Variants in MYH7B observed in about 807,000 individuals in gnomAD.
MYH7B encodes the protein myosin heavy chain 7B.
In MYH7B, 205 loss-of-function variants were observed where a neutral mutation model predicts 234.5. The ratio of observed to expected loss-of-function variants is 0.87; its 90% confidence interval spans 0.78 to 0.98. The LOEUF (loss-of-function observed/expected upper bound fraction) is 0.98. MYH7B is among the 50% of genes least tolerant of loss of function. The pLI is 0.00. For synonymous variants in MYH7B, 1,193 were observed against 1,105.0 expected, an observed-to-expected ratio of 1.08 and a Z score of -1.58; for missense variants, 2,652 against 2,633.4, an observed-to-expected ratio of 1.01 and a Z score of -0.15.
intron 43 of MYH7B, among the ~76,000 whole-genome samples, 180 bp from the exon 44 acceptor site, chr20:35,001,768 A>C (rs2082390985): frequency 6.6e-6 from 1 of 152,178 alleles, no homozygotes; most frequent in African/African-American, 2.4e-5. Context: ...ACAAAAAGGC[A>C]CATGAAGTTG....
exon 27 of MYH7B, chr20:34,994,191 C>T (rs1371613397): frequency 4.3e-6 from 7 of 1,613,294 alleles, no homozygotes; most frequent in Middle Eastern, 1.6e-4. Context: ...CCTTCAATGC[C>T]GTCAAGAACT....
intron 10 of MYH7B, among the ~76,000 whole-genome samples, 180 bp downstream of exon 10, chr20:34,982,735 T>C (rs556434104): frequency 1.3e-5 from 2 of 152,168 alleles, no homozygotes; most frequent in Non-Finnish European, 2.9e-5. Flanking sequence ...CCACAAAGGC[T>C]GTGGCCACCT....
chr20:34,977,849 A>G, intron 4 of MYH7B, 85 bp from the exon 5 acceptor site: 1 of 1,566,298 alleles, frequency 6.4e-7, no homozygotes. Context: ...CTGCATTGGG[A>G]GCCAGAGGGA....
rs1489801217 is a variant in MYH7B at position 34,987,925 on chromosome 20, G to A, written c.1416+11G>A. 1 of 1,581,728 alleles carries A rather than the reference G, an allele frequency of 6.3e-7. No homozygotes were observed. The highest frequency in any genetic ancestry group is 1.8e-4 in the Middle Eastern group (1 of 5,648). The stretch of plus-strand genomic sequence containing the variant: ...TTTGAGATCTTTGAGGTGAGGACAG[G>A]CCCTCACCTTGGCCTCTGTTCTCTC... On this transcript the variant is annotated intron_variant, in intron 18 of 44. Coordinates refer to ENST00000262873, the Ensembl canonical transcript of MYH7B.
In MYH7B at chr20:34,997,513, C is replaced by T. The variant is rs749465531; in HGVS notation, c.3620C>T (p.Ala1207Val). Residue 1207 changes from alanine (A) to valine (V), a missense_variant, in exon 32 of 45, where the codon GCG becomes GTG. Ala to Val is a moderately conservative substitution (Grantham distance 64). Coordinates refer to ENST00000262873, the Ensembl canonical transcript of MYH7B. ...CTGCGGCGCAAGCAGGCGGAGGGCGCGGCGGAGCTGGGGGAGCAGGTGGAC... is the reference window on the plus strand; with the variant it reads ...CTGCGGCGCAAGCAGGCGGAGGGCGTGGCGGAGCTGGGGGAGCAGGTGGAC... The T allele has an allele frequency of 4.1e-5, 65 of 1,594,544 alleles. 1 individual carries two copies. The Admixed American group carries it at 6.4e-4, about 16-fold the overall frequency.
At chr20:34,992,993 G>C (rs1162440538) in intron 24 of MYH7B, 109 bp from the exon 25 acceptor site, 1 of 1,382,428 alleles carries the variant, frequency 7.2e-7, no homozygotes, top group East Asian at 2.3e-5. Flanking sequence ...GCCCAGGAAC[G>C]AGTCCCCTGC....
chr20:34,957,871 G>A (rs181026903), intron 1 of MYH7B, among the ~76,000 whole-genome samples: 14 of 152,320 alleles, frequency 9.2e-5, no homozygotes, highest in Middle Eastern at 3.4e-3. Context: ...GTGTGGTCAC[G>A]GGATGGGGGG....
chr20:34,989,730 C>A lies in MYH7B; in HGVS notation c.1588-10C>A. ...TTGATGGTGGCTTTTCAAGCTCGTT[C>A]TGTTCCCAGCCACTGGGCATCCTGT... On this transcript the variant is annotated splice_polypyrimidine_tract_variant and intron_variant, in intron 19 of 44. Coordinates refer to ENST00000262873, the Ensembl canonical transcript of MYH7B. The A allele has an allele frequency of 3.1e-6, 5 of 1,612,536 alleles. No individual in the cohort carries two copies. Among genetic ancestry groups the A allele is most frequent in the Non-Finnish European group, 4.2e-6 (5 of 1,179,250 alleles).
At chr20:34,990,448 A>G (rs3746444) in intron 22 of MYH7B, 138 bp downstream of exon 22, 192,377 of 992,462 alleles carry the variant, frequency 0.19, 19,861 homozygotes, top group Middle Eastern at 0.34. Context: ...CCACGTGAAC[A>G]TCACAGCAAG....
At chr20:34,990,534 G>C (rs1464058611) in intron 22 of MYH7B, 1 of 822,316 alleles carries the variant, frequency 1.2e-6, no homozygotes, top group Non-Finnish European at 2.2e-6. Flanking sequence ...GGCTCTGGGA[G>C]GGACGGGGAT....
At chr20:34,959,681 G>A (rs1417142560) in intron 2 of MYH7B, among the ~76,000 whole-genome samples, 1 of 152,046 alleles carries the variant, frequency 6.6e-6, no homozygotes, top group African/African-American at 2.4e-5. Flanking sequence ...GTTTCACCTT[G>A]CTGTCCAGGC....
At chr20:34,995,707 C>G in intron 28 of MYH7B, 129 bp downstream of exon 28, 2 of 1,399,174 alleles carry the variant, frequency 1.4e-6, no homozygotes, top group South Asian at 1.4e-5. Context: ...ACTGCCTTTC[C>G]TGGGCCTCAG....
At chr20:34,989,711 G>A in intron 19 of MYH7B, 29 bp from the exon 20 acceptor site, 1 of 1,604,672 alleles carries the variant, frequency 6.2e-7, no homozygotes, top group South Asian at 1.1e-5. Flanking sequence ...TGGCTTGATG[G>A]TGGCTTTTCA....
At position 34,993,327 on chromosome 20, in the gene MYH7B, C is replaced by T. The variant is rs762024616; in HGVS notation, c.2308-7C>T. 6.2e-6 allele frequency: 10 copies of T among 1,614,092 alleles called. No individual in the cohort carries two copies. Among genetic ancestry groups the T allele is most frequent in the Non-Finnish European group, 8.5e-6 (10 of 1,180,018 alleles). On this transcript the variant is annotated splice_polypyrimidine_tract_variant and splice_region_variant and intron_variant, in intron 25 of 44. Coordinates refer to ENST00000262873, the Ensembl canonical transcript of MYH7B. ...GTTACCCTGGCTGTCTACCTCTCCG[C>T]CCCCAGGTGTTCTTCAAGGCTGGGC...
At chr20:34,979,402 T>C in exon 6 of MYH7B, 1 of 1,613,034 alleles carries the variant, frequency 6.2e-7, no homozygotes, top group African/African-American at 1.3e-5. Flanking sequence ...AAGAAGCGAG[T>C]CTGGGTGCCT....
intron 2 of MYH7B, among the ~76,000 whole-genome samples, chr20:34,965,816 G>A (rs2081736652): frequency 6.6e-6 from 1 of 152,216 alleles, no homozygotes; most frequent in African/African-American, 2.4e-5. Context: ...CCCTGAGACA[G>A]AAAGGAGCTG....
chr20:34,988,259 G>T, exon 19 of MYH7B: 1 of 1,611,498 alleles, frequency 6.2e-7, no homozygotes, highest in South Asian at 1.1e-5. Flanking sequence ...ACCTCATCGA[G>T]AAGGTGGGTG....
intron 1 of MYH7B, among the ~76,000 whole-genome samples, chr20:34,956,684 G>C (rs2081638729): frequency 6.6e-6 from 1 of 152,210 alleles, no homozygotes; most frequent in South Asian, 2.1e-4. Flanking sequence ...TGGATAGGAA[G>C]GTATAGGTAG....
At chr20:34,975,947 A>G (rs996466913) in intron 3 of MYH7B, among the ~76,000 whole-genome samples, 1 of 151,504 alleles carries the variant, frequency 6.6e-6, no homozygotes, top group Non-Finnish European at 1.5e-5. Flanking sequence ...CGATCTCCTG[A>G]CCTCGTGATC....
Sources: gnomAD v4.1 joint callset for allele counts (sites outside exome capture counted in the v4.1 genomes callset) on GRCh38, gnomAD v4.1.1 for gene constraint, MANE v1.5 for transcripts, NCBI Gene and HGNC (gene_info 2026-07-23, HGNC 2026-07-21) for gene names.